The following ERC2 variants were observed in gnomAD, a reference collection of about 807,000 sequenced individuals.
ERC2 encodes ELKS/RAB6-interacting/CAST family member 2.
ERC2 carries 42 observed loss-of-function variants against 114.8 expected under a neutral mutation model. The ratio of observed to expected loss-of-function variants is 0.37; its 90% confidence interval spans 0.29 to 0.47. The LOEUF (loss-of-function observed/expected upper bound fraction) is 0.47, where lower values mean the gene tolerates loss of function less well. Ranked by LOEUF, ERC2 falls within the 20% of genes least tolerant of loss-of-function variation. ERC2 has a pLI of 0.99. For missense variants in ERC2, 939 were observed against 1,150.7 expected (o/e 0.82, Z 2.66); for synonymous variants, 454 against 425.5 (o/e 1.07, Z -0.82).
At chr3:55,530,115 G>A (rs898214174) in intron 17 of ERC2, among the ~76,000 whole-genome samples, 3 of 152,168 alleles carry the variant, frequency 2.0e-5, no homozygotes, top group Non-Finnish European at 4.4e-5. Flanking sequence ...CAAATGAGTG[G>A]AGTTTTCCTG....
Position 55,817,743 on chromosome 3 carries a change from C to G in ERC2, c.2564+70646G>C, listed in dbSNP as rs553857866. Reference sequence around the variant, plus strand: ...CAGTTTCTTCATCTGTCAGGTAGACCATTTTATAGTATCCGTTCATGGTGA... The same window carrying G: ...CAGTTTCTTCATCTGTCAGGTAGACGATTTTATAGTATCCGTTCATGGTGA... On this transcript the variant is annotated intron_variant, in intron 14 of 17. Coordinates refer to ENST00000288221, the MANE Select transcript of ERC2 (RefSeq NM_015576.3). 9.8e-4 allele frequency among the ~76,000 whole-genome samples: 149 copies of G among 152,174 alleles called. 1 individual carries two copies. Among genetic ancestry groups the G allele is most frequent in the Non-Finnish European group, 6.8e-4 (46 of 68,032 alleles).
intron 14 of ERC2, among the ~76,000 whole-genome samples, chr3:55,875,690 T>TCACACACACACACA (rs71621803): frequency 9.0e-5 from 13 of 144,728 alleles, no homozygotes; most frequent in African/African-American, 2.8e-4. Context: ...CTAAACTCAT[T>TCACACACACACACA]CACACACACA....
intron 2 of ERC2, among the ~76,000 whole-genome samples, chr3:56,420,411 C>T (rs1201229020): frequency 1.3e-5 from 2 of 151,942 alleles, no homozygotes; most frequent in African/African-American, 4.8e-5. Flanking sequence ...TTCCTGGGCT[C>T]AAGTGATCCT....
Position 56,466,208 on chromosome 3 carries a change from G to A in ERC2, c.-141+2040C>T, listed in dbSNP as rs866997632. ...GTAATAATACTGCTTTGACAAACCC[G>A]GCTTCTACATGAAAACCATTCTAAT... On this transcript the variant is annotated intron_variant, in intron 1 of 17. Transcript: ENST00000288221. 2.0e-4 allele frequency among the ~76,000 whole-genome samples: 31 copies of A among 152,278 alleles called. No individual in the cohort carries two copies. In the Middle Eastern group the frequency reaches 0.01, roughly 50 times the overall value.
intron 3 of ERC2, among the ~76,000 whole-genome samples, chr3:56,236,903 T>G (rs1358889295): frequency 6.6e-6 from 1 of 152,188 alleles, no homozygotes; most frequent in African/African-American, 2.4e-5. Context: ...ACGTAACAAG[T>G]GTTGAATGAA....
intron 7 of ERC2, among the ~76,000 whole-genome samples, chr3:56,033,665 G>A (rs1030034043): frequency 6.6e-6 from 1 of 152,092 alleles, no homozygotes. Context: ...TTGGTTGGCA[G>A]GTTTTTTTCT....
chr3:55,749,273 T>C (rs2066510209), intron 14 of ERC2, among the ~76,000 whole-genome samples: 1 of 152,208 alleles, frequency 6.6e-6, no homozygotes, highest in Admixed American at 6.5e-5. Context: ...ATCTGTTGAA[T>C]GCTGAGATCA....
chr3:56,175,349 T>A (rs1033930821), intron 3 of ERC2, among the ~76,000 whole-genome samples: 2 of 152,194 alleles, frequency 1.3e-5, no homozygotes, highest in African/African-American at 4.8e-5. Flanking sequence ...GGATATTTTT[T>A]CCCCTAACAT....
At chr3:55,703,683 G>C (rs1347391813) in intron 15 of ERC2, among the ~76,000 whole-genome samples, 1 of 152,236 alleles carries the variant, frequency 6.6e-6, no homozygotes, top group African/African-American at 2.4e-5. Flanking sequence ...GTATATGAGT[G>C]TAAAAATGGA....
intron 1 of ERC2, among the ~76,000 whole-genome samples, chr3:56,449,194 G>C (rs1049255265): frequency 6.6e-6 from 1 of 152,060 alleles, no homozygotes; most frequent in African/African-American, 2.4e-5. Context: ...GATGTGCACA[G>C]TGGTAGCCTG....
intron 2 of ERC2, among the ~76,000 whole-genome samples, chr3:56,362,519 A>T (rs2058997140): frequency 6.6e-6 from 1 of 152,218 alleles, no homozygotes; most frequent in Non-Finnish European, 1.5e-5. Flanking sequence ...AAGGAGAAGT[A>T]AATGGGAGAT....
chr3:55,861,102 A>C (rs1348435850), intron 14 of ERC2, among the ~76,000 whole-genome samples: 1 of 152,194 alleles, frequency 6.6e-6, no homozygotes, highest in African/African-American at 2.4e-5. Context: ...ACTGGCCAGC[A>C]CTCAAGTTTC....
intron 2 of ERC2, among the ~76,000 whole-genome samples, chr3:56,300,280 C>CAAAAAAAAAAAA (rs200816892): frequency 1.4e-4 from 13 of 93,096 alleles, no homozygotes; most frequent in South Asian, 3.2e-4. Flanking sequence ...TCATGAAATA[C>CAAAAAAAAAAAA]AAAAAAAAAA....
chr3:55,675,496 G>T (rs1444235098), intron 17 of ERC2, among the ~76,000 whole-genome samples: 1 of 152,194 alleles, frequency 6.6e-6, no homozygotes, highest in Non-Finnish European at 1.5e-5. Flanking sequence ...GATACACCTA[G>T]TGGTGGCCAT....
At chr3:55,839,879 T>A (rs1041684708) in intron 14 of ERC2, among the ~76,000 whole-genome samples, 1 of 152,016 alleles carries the variant, frequency 6.6e-6, no homozygotes, top group African/African-American at 2.4e-5. Context: ...AGTACCTCAA[T>A]TAAAATGCAA....
intron 1 of ERC2, among the ~76,000 whole-genome samples, chr3:56,464,004 A>G (rs1021988083): frequency 1.3e-5 from 2 of 152,256 alleles, no homozygotes; most frequent in African/African-American, 4.8e-5. Context: ...TTTTATAGCC[A>G]GCCCTCTAAA....
intron 10 of ERC2, among the ~76,000 whole-genome samples, chr3:55,997,045 C>T (rs1358622972): frequency 6.6e-6 from 1 of 152,162 alleles, no homozygotes; most frequent in African/African-American, 2.4e-5. Context: ...AAAGTATTAA[C>T]TTTGGTCCAG....
At chr3:56,182,317 G>A (rs2083333293) in intron 3 of ERC2, among the ~76,000 whole-genome samples, 1 of 152,134 alleles carries the variant, frequency 6.6e-6, no homozygotes, top group African/African-American at 2.4e-5. Context: ...CCCATTACAT[G>A]CTCAGTAATT....
chr3:56,095,594 C>T (rs1057441514), intron 6 of ERC2, among the ~76,000 whole-genome samples: 1 of 152,166 alleles, frequency 6.6e-6, no homozygotes, highest in African/African-American at 2.4e-5. Context: ...CCTTCATGCT[C>T]AGTTAAATGA....
Sources: gnomAD v4.1 joint callset for allele counts (sites outside exome capture counted in the v4.1 genomes callset) on GRCh38, gnomAD v4.1.1 for gene constraint, MANE v1.5 for transcripts, NCBI Gene and HGNC (gene_info 2026-07-23, HGNC 2026-07-21) for gene names.